The following SERPINF2 variants were observed in gnomAD, a reference collection of about 807,000 sequenced individuals.
SERPINF2 encodes the protein serpin family F member 2, also known as alpha-2-antiplasmin.
In SERPINF2, 15 loss-of-function variants were observed where a neutral mutation model predicts 45.0. That is an observed-to-expected ratio of 0.33 (90% CI 0.22 to 0.51). The LOEUF is 0.51. Ranked by LOEUF, SERPINF2 falls within the 20% of genes least tolerant of loss-of-function variation. The probability of loss-of-function intolerance (pLI) is 0.97; values close to 1 mark genes in which losing one functional copy is unlikely to be tolerated. For missense variants in SERPINF2, 518 were observed against 637.4 expected (o/e 0.81, Z 2.02); for synonymous variants, 283 against 277.9 (o/e 1.02, Z -0.18).
chr17:1,744,927 G>T, intron 1 of SERPINF2, 65 bp from the exon 2 acceptor site: 1 of 1,611,012 alleles, frequency 6.2e-7, no homozygotes, highest in South Asian at 1.1e-5. Flanking sequence ...GTGATCGCGT[G>T]GGTAGGATTC....
rs1906501477 is a variant in SERPINF2 at position 1,752,724 on chromosome 17, A to G, written c.997A>G (p.Lys333Glu). The G allele has an allele frequency of 6.2e-7, 1 of 1,614,074 alleles. No individual in the cohort carries two copies. The highest frequency in any genetic ancestry group is 8.5e-7 in the Non-Finnish European group (1 of 1,180,028). The change falls in exon 9 of 10, where the codon AAG (lysine) becomes GAG (glutamate). Residue 333 changes from lysine (K) to glutamate (E), a missense_variant. This residue lies in a region of SERPINF2 where 435 missense variants were observed against 577.3 expected (regional missense o/e 0.75). Transcript: ENST00000453066. ...ACCTCTGGTGTGGGAGAGGCCCACCAAGGTCCGGCTGCCTAAGCTGTATCT... is the reference window on the plus strand; with the variant it reads ...ACCTCTGGTGTGGGAGAGGCCCACCGAGGTCCGGCTGCCTAAGCTGTATCT... ...HPPLVWERPT[K>E]VRLPKLYLKH...
chr17:1,746,150 T>C (rs1905807639), intron 5 of SERPINF2, among the ~76,000 whole-genome samples: 1 of 152,096 alleles, frequency 6.6e-6, no homozygotes, highest in East Asian at 1.9e-4. Flanking sequence ...AAACTCTCTC[T>C]ACTAAAAATA....
rs776264852 is a variant in SERPINF2, at chr17:1,755,044, C to T, written c.*510C>T. 1.7e-4 allele frequency: 28 copies of T among 163,290 alleles called. No individual in the cohort carries two copies. The highest frequency in any genetic ancestry group is 2.3e-4 in the Non-Finnish European group (17 of 75,450). The allele number at this position is 163,290 out of a possible 1,614,324, so 10.1% of individuals were successfully genotyped here. A position where few individuals can be genotyped will look rare whatever the true frequency, so the allele number is the denominator to read the frequency against. ...GGCTGTGGCCTAACCTGCCGAGAGT[C>T]CATCAGCCTCCATCCTACCCCCTGT... On this transcript the variant is annotated 3_prime_UTR_variant, in exon 10 of 10. Transcript: ENST00000453066. This position sits in a 1 kb window ranked among gnomAD's most constrained non-coding sequence, Gnocchi z 4.2.
At chr17:1,750,672 A>C (rs2151194440) in intron 8 of SERPINF2, among the ~76,000 whole-genome samples, 1 of 152,184 alleles carries the variant, frequency 6.6e-6, no homozygotes, top group East Asian at 1.9e-4. Flanking sequence ...TGGCCTGGGT[A>C]TTGATCCCCG....
chr17:1,746,990 C>A, intron 5 of SERPINF2, 29 bp from the exon 6 acceptor site: 1 of 1,598,686 alleles, frequency 6.3e-7, no homozygotes, highest in Non-Finnish European at 8.5e-7. Context: ...GACCCGCAGC[C>A]GGGCCTCAGC....
At chr17:1,743,094 G>A in intron 1 of SERPINF2, 186 bp downstream of exon 1, 1 of 985,328 alleles carries the variant, frequency 1.0e-6, no homozygotes, top group Non-Finnish European at 1.2e-6. Context: ...TCGGGGCCCT[G>A]GCCAAGGGCT....
chr17:1,750,976 C>G (rs1299039063), intron 8 of SERPINF2, among the ~76,000 whole-genome samples: 1 of 152,208 alleles, frequency 6.6e-6, no homozygotes, highest in Non-Finnish European at 1.5e-5. Context: ...GCCCCGTCAG[C>G]CTTTCTTGTC....
chr17:1,747,636 C>A, intron 7 of SERPINF2, 124 bp downstream of exon 7: 1 of 1,055,534 alleles, frequency 9.5e-7, no homozygotes, highest in Non-Finnish European at 1.4e-6. Context: ...GCGATCTCGG[C>A]TCCCTGCAAC....
rs67887323 is a variant in SERPINF2 at position 1,754,685 on chromosome 17, T to TGGGG, written c.*158_*161dup. The TGGGG allele has an allele frequency of 1.8e-3, 333 of 180,922 alleles. No individual in the cohort carries two copies. The highest frequency in any genetic ancestry group is 3.0e-3 in the South Asian group (47 of 15,654). 11.2% of individuals were successfully genotyped at this position (180,922 alleles called of 1,614,324 possible). Reference sequence around the variant, plus strand: ...CCAACACCTCTTGGGGAGTTTAGGGTGGGGGGGGGGCGCGGCTGGGAGGAG... The same window carrying TGGGG: ...CCAACACCTCTTGGGGAGTTTAGGGTGGGGGGGGGGGGGGCGCGGCTGGGAGGAG... On this transcript the variant is annotated 3_prime_UTR_variant, in exon 10 of 10. Coordinates refer to ENST00000453066, the MANE Select transcript of SERPINF2 (RefSeq NM_000934.4).
In SERPINF2 at chr17:1,747,529, C is replaced by T; in HGVS notation, c.715+17C>T. 6.2e-7 allele frequency: 1 copy of T among 1,611,632 alleles called. No individual in the cohort carries two copies. The highest frequency in any genetic ancestry group is 8.5e-7 in the Non-Finnish European group (1 of 1,178,692). On this transcript the variant is annotated intron_variant, in intron 7 of 9. Transcript: ENST00000453066. The stretch of plus-strand genomic sequence containing the variant: ...ACTTCCAGGGTGCGCTCCTCCTCCT[C>T]TCAGATCCCCCACCCTGTAGGCTGA...
Position 1,745,007 on chromosome 17 carries a change from C to G in SERPINF2, c.12C>G (p.Leu4=). 6.2e-7 allele frequency: 1 copy of G among 1,613,762 alleles called. No individual in the cohort carries two copies. The change falls in exon 2 of 10, where the codon CTC becomes CTG. Residue 4 remains leucine (L), a synonymous_variant. Coordinates refer to ENST00000453066, the MANE Select transcript of SERPINF2 (RefSeq NM_000934.4). The surrounding 1 kb of genome is among the most constrained non-coding windows in gnomAD (Gnocchi z 6.2). MAL[L]WGLLVLSWSC... is the part of the protein sequence containing the mutation. ...CCTGCCACAGGAACATGGCGCTGCTCTGGGGGCTCCTGGTGCTCAGCTGGT... is the reference window on the plus strand; with the variant it reads ...CCTGCCACAGGAACATGGCGCTGCTGTGGGGGCTCCTGGTGCTCAGCTGGT...
chr17:1,747,219 A>C, intron 6 of SERPINF2, 57 bp downstream of exon 6: 2 of 1,610,770 alleles, frequency 1.2e-6, no homozygotes, highest in Non-Finnish European at 1.7e-6. Context: ...GGAGGGTGAG[A>C]GCAAGGGGCT....
chr17:1,752,381 C>G (rs544116652), intron 8 of SERPINF2, among the ~76,000 whole-genome samples: 1 of 152,126 alleles, frequency 6.6e-6, no homozygotes, highest in Non-Finnish European at 1.5e-5. Context: ...TTAAAAGCAT[C>G]TCATTCGGTT....
chr17:1,747,487 TCTC>T lies in SERPINF2; in HGVS notation c.694_696del (p.Leu232del). 1 of 1,614,042 alleles carries T rather than the reference TCTC, an allele frequency of 6.2e-7. No homozygotes were observed. The highest frequency in any genetic ancestry group is 8.5e-7 in the Non-Finnish European group (1 of 1,180,022). ...GGCTGCCGGAAGACACCGTGTTGCT[TCTC>T]CTCAACGCCATCCACTTCCAGGGTG... On this transcript the variant is annotated inframe_deletion, in exon 7 of 10. Coordinates refer to ENST00000453066, the MANE Select transcript of SERPINF2 (RefSeq NM_000934.4).
In SERPINF2 at chr17:1,752,545, G is replaced by T. The variant is rs567981885; in HGVS notation, c.859-41G>T. ...CTGGCCCCACCCCCACTTAGCTTCG[G>T]GGCTTTCTGTCCTCATGCTCTTCCC... is the stretch of plus-strand genomic sequence containing the variant. On this transcript the variant is annotated intron_variant, in intron 8 of 9. Transcript: ENST00000453066. 3 of 1,597,304 alleles carry T rather than the reference G, an allele frequency of 1.9e-6. No individual in the cohort carries two copies. In the African/African-American group the frequency reaches 4.0e-5, roughly 21 times the overall value.
At chr17:1,744,054 C>T (rs1349043613) in intron 1 of SERPINF2, among the ~76,000 whole-genome samples, 1 of 151,586 alleles carries the variant, frequency 6.6e-6, no homozygotes, top group Non-Finnish European at 1.5e-5. Context: ...CACCACCACG[C>T]CTGGCTAATT....
chr17:1,744,910 G>A (rs1420087302), intron 1 of SERPINF2, 82 bp from the exon 2 acceptor site: 32 of 1,607,296 alleles, frequency 2.0e-5, no homozygotes, highest in Middle Eastern at 2.0e-4. Flanking sequence ...AGGACTTGGC[G>A]TTATCTGTGA....
intron 8 of SERPINF2, among the ~76,000 whole-genome samples, chr17:1,750,649 A>G (rs1906306518): frequency 6.6e-6 from 1 of 152,064 alleles, no homozygotes; most frequent in African/African-American, 2.4e-5. Flanking sequence ...TTCTAGCCTA[A>G]ATGTGGTCCC....
At chr17:1,743,595 A>T (rs941390353) in intron 1 of SERPINF2, among the ~76,000 whole-genome samples, 2 of 151,876 alleles carry the variant, frequency 1.3e-5, no homozygotes, top group African/African-American at 4.8e-5. Flanking sequence ...CATGCCTGTA[A>T]TCCCAGCTAC....
Sources: allele counts gnomAD v4.1 joint callset (sites outside exome capture counted in the v4.1 genomes callset), GRCh38; gene constraint gnomAD v4.1.1; regional missense constraint gnomAD v4.1.1; non-coding constraint Gnocchi (gnomAD v3.1); transcripts MANE v1.5; gene names NCBI Gene and HGNC (gene_info 2026-07-23, HGNC 2026-07-21).